CWH43: variants seen among roughly 807,000 people sequenced by gnomAD.
CWH43 encodes the protein PGAP2-interacting protein.
In CWH43, 91 loss-of-function variants were observed where a neutral mutation model predicts 85.7. That is an observed-to-expected ratio of 1.06 (90% CI 0.90 to 1.26). The LOEUF (loss-of-function observed/expected upper bound fraction) is 1.26. CWH43 is among the 50% of genes most tolerant of loss of function. The pLI is 0.00. For missense variants in CWH43, 869 were observed against 839.2 expected (o/e 1.04, Z -0.44); for synonymous variants, 323 against 293.6 (o/e 1.10, Z -1.02).
intron 12 of CWH43, 99 bp from the exon 13 acceptor site, chr4:49,037,937 T>C (rs1784308887): frequency 3.0e-6 from 3 of 989,082 alleles, no homozygotes; most frequent in South Asian, 1.8e-5. Context: ...TCTGGGCTTC[T>C]TCACTATATG....
chr4:48,993,095 T>C (rs1312826968), intron 4 of CWH43, among the ~76,000 whole-genome samples: 1 of 152,214 alleles, frequency 6.6e-6, no homozygotes, highest in Non-Finnish European at 1.5e-5. Context: ...CTGTTTTAAA[T>C]GTATGTGACC....
chr4:49,020,449 A>G (rs1783717785), intron 9 of CWH43, among the ~76,000 whole-genome samples: 1 of 149,900 alleles, frequency 6.7e-6, no homozygotes, highest in African/African-American at 2.5e-5. Flanking sequence ...TTCTTTATCC[A>G]CTTGTTGATT....
chr4:49,059,515 T>C (rs1223631938), intron 15 of CWH43, among the ~76,000 whole-genome samples: 1 of 152,236 alleles, frequency 6.6e-6, no homozygotes, highest in Non-Finnish European at 1.5e-5. Context: ...TGATTATTTA[T>C]GATCTTTATG....
At chr4:49,008,513 C>G (rs1003074770) in intron 8 of CWH43, among the ~76,000 whole-genome samples, 6 of 151,974 alleles carry the variant, frequency 3.9e-5, no homozygotes, top group Admixed American at 1.3e-4. Context: ...GCTTTTGTTG[C>G]GTTGCTTTTG....
intron 6 of CWH43, among the ~76,000 whole-genome samples, chr4:49,001,515 G>T (rs1221945095): frequency 6.6e-6 from 1 of 152,080 alleles, no homozygotes; most frequent in Non-Finnish European, 1.5e-5. Flanking sequence ...ATGCACATAT[G>T]TATTTCTTTG....
rs570165324 is a variant in CWH43 at position 48,998,405 on chromosome 4, G to A, written c.714-55G>A. 544 of 1,305,546 alleles carry A rather than the reference G, an allele frequency of 4.2e-4. 1 individual carries two copies. Among genetic ancestry groups the A allele is most frequent in the Non-Finnish European group, 9.0e-5 (81 of 900,848 alleles). The allele number at this position is 1,305,546 out of a possible 1,614,324, so 80.9% of individuals were successfully genotyped here. On this transcript the variant is annotated intron_variant, in intron 5 of 15. Transcript: ENST00000226432. Reference sequence around the variant, plus strand: ...GGAGGTATATTTCTATTTTATATTCGGGATGATGAAATATTACTAATGTCA... The same window carrying A: ...GGAGGTATATTTCTATTTTATATTCAGGATGATGAAATATTACTAATGTCA...
chr4:49,057,585 C>A (rs1785007461), intron 15 of CWH43, among the ~76,000 whole-genome samples: 1 of 152,168 alleles, frequency 6.6e-6, no homozygotes, highest in Admixed American at 6.5e-5. Flanking sequence ...AGAATGTATA[C>A]TCTGCGGCTG....
rs1266660003 is a variant in CWH43 at position 49,055,712 on chromosome 4, C to T, written c.2021+4863C>T. Among the ~76,000 whole-genome samples, 3 of 152,066 alleles carry T rather than the reference C, an allele frequency of 2.0e-5. No homozygotes were observed. The East Asian group carries it at 5.8e-4, about 29-fold the overall frequency. ...TGAAGCAATTCTCCTGCCTCAGCCT[C>T]CTGAGTAGCTGCGATTATAGGCGCC... On this transcript the variant is annotated intron_variant, in intron 15 of 15. Coordinates refer to ENST00000226432, the MANE Select transcript of CWH43 (RefSeq NM_025087.3).
rs548931558 is a variant in CWH43, at chr4:48,988,616, G to A, written c.183G>A (p.Trp61Ter). ...SPIFLTITPF[W>*]KLVNKKWMLT... ...TATTCCTAACAATTACTCCTTTCTG[G>A]AAATTGGTTAACAAGAAGTGGATGC... Residue 61 changes from tryptophan (W) to a stop codon, truncating the protein, a stop_gained, in exon 2 of 16, where the codon TGG becomes TGA. Coordinates refer to ENST00000226432, the MANE Select transcript of CWH43 (RefSeq NM_025087.3). LOFTEE classifies it high-confidence loss of function. 1.2e-6 allele frequency: 2 copies of A among 1,613,148 alleles called. No homozygotes were observed. The highest frequency in any genetic ancestry group is 2.7e-5 in the African/African-American group (2 of 74,978).
intron 6 of CWH43, among the ~76,000 whole-genome samples, chr4:49,001,810 A>T (rs1023837079): frequency 6.6e-6 from 1 of 152,160 alleles, no homozygotes; most frequent in African/African-American, 2.4e-5. Context: ...TATTATTCTA[A>T]CGTCTTTAGA....
intron 9 of CWH43, among the ~76,000 whole-genome samples, chr4:49,017,630 C>T (rs1783597317): frequency 6.6e-6 from 1 of 152,108 alleles, no homozygotes; most frequent in South Asian, 2.1e-4. Context: ...CTTGCACTGC[C>T]ATAAAGAAAT....
Position 49,009,774 on chromosome 4 carries a change from A to T in CWH43, c.1186+2448A>T, listed in dbSNP as rs553845322. 2.0e-5 allele frequency among the ~76,000 whole-genome samples: 3 copies of T among 152,090 alleles called. No homozygotes were observed. In the South Asian group the frequency reaches 6.3e-4, roughly 32 times the overall value. On this transcript the variant is annotated intron_variant, in intron 8 of 15. Transcript: ENST00000226432. The stretch of plus-strand genomic sequence containing the variant: ...TTTGGTTCTGTTTATGTGATGGATT[A>T]TGTTTATTGGCTTGCATATGTTGAA...
intron 9 of CWH43, among the ~76,000 whole-genome samples, chr4:49,021,434 A>C (rs1484831715): frequency 6.6e-6 from 1 of 152,064 alleles, no homozygotes; most frequent in African/African-American, 2.4e-5. Context: ...TACCAGTACC[A>C]TGCTGTTTTT....
At chr4:49,038,833 C>T (rs1233456119) in intron 13 of CWH43, among the ~76,000 whole-genome samples, 11 of 151,560 alleles carry the variant, frequency 7.3e-5, no homozygotes, top group South Asian at 4.2e-4. Context: ...CTGAGGCGGG[C>T]GGATCACGAG....
chr4:48,986,808 C>T (rs1475963957), intron 1 of CWH43: 3 of 1,179,198 alleles, frequency 2.5e-6, no homozygotes, highest in East Asian at 4.5e-5. Flanking sequence ...AAGCCCCCCA[C>T]CCGTGGCCTT....
chr4:49,053,693 T>C (rs1784866853), intron 15 of CWH43, among the ~76,000 whole-genome samples: 1 of 152,194 alleles, frequency 6.6e-6, no homozygotes, highest in Admixed American at 6.5e-5. Context: ...TAGCCGTTTA[T>C]CATATATAGG....
intron 8 of CWH43, among the ~76,000 whole-genome samples, chr4:49,012,366 A>G (rs935134619): frequency 2.0e-5 from 3 of 152,190 alleles, no homozygotes; most frequent in Admixed American, 2.0e-4. Flanking sequence ...CTAGTTAGCC[A>G]TTCGTCTAAC....
chr4:49,049,451 G>T (rs1186705021), intron 14 of CWH43, among the ~76,000 whole-genome samples: 1 of 151,850 alleles, frequency 6.6e-6, no homozygotes, highest in Non-Finnish European at 1.5e-5. Flanking sequence ...TTCCCTGAAG[G>T]TGATTCTCTA....
At chr4:49,053,784 A>C (rs1784870588) in intron 15 of CWH43, among the ~76,000 whole-genome samples, 1 of 152,110 alleles carries the variant, frequency 6.6e-6, no homozygotes, top group Non-Finnish European at 1.5e-5. Flanking sequence ...CAGTGCTCTA[A>C]GGAAATGCTT....
Sources: gnomAD v4.1 joint callset for allele counts (sites outside exome capture counted in the v4.1 genomes callset) on GRCh38, gnomAD v4.1.1 for gene constraint, MANE v1.5 for transcripts, NCBI Gene and HGNC (gene_info 2026-07-23, HGNC 2026-07-21) for gene names.